The following FRMD3 variants were observed in gnomAD, a reference collection of about 807,000 sequenced individuals.
The protein encoded by FRMD3 is FERM domain containing 3.
FRMD3 carries 33 observed loss-of-function variants against 70.2 expected under a neutral mutation model. The observed-to-expected ratio is 0.47, with a 90% CI of 0.36 to 0.63. The LOEUF (loss-of-function observed/expected upper bound fraction) is 0.63, where lower values mean the gene tolerates loss of function less well. Ranked by LOEUF, FRMD3 falls within the 20% of genes least tolerant of loss-of-function variation. The pLI, the probability that FRMD3 is intolerant of heterozygous loss-of-function variation, is 0.00. For missense variants in FRMD3, 632 were observed against 711.4 expected (o/e 0.89, Z 1.27); for synonymous variants, 279 against 255.9 (o/e 1.09, Z -0.86).
At chr9:83,538,409 T>G (rs1829951899), upstream of FRMD3, 3 of 433,884 alleles carry the variant, frequency 6.9e-6, no homozygotes, top group Non-Finnish European at 1.1e-5. This position sits in a 1 kb window ranked among gnomAD's most constrained non-coding sequence, Gnocchi z 4.7. Flanking sequence ...GGCGGGCGGG[T>G]CCCTCCCTCT....
chr9:83,300,770 AT>A (rs1036925993), intron 10 of FRMD3, among the ~76,000 whole-genome samples: 19 of 152,204 alleles, frequency 1.2e-4, no homozygotes, highest in East Asian at 5.8e-4. Context: ...ACACACACAT[AT>A]TTTTTTTCCT....
chr9:83,359,268 G>A (rs1182308014), intron 3 of FRMD3, among the ~76,000 whole-genome samples: 1 of 152,172 alleles, frequency 6.6e-6, no homozygotes, highest in African/African-American at 2.4e-5. Context: ...AAGGGAGATT[G>A]GAATGCTGAG....
chr9:83,437,121 A>G (rs1827158688), intron 1 of FRMD3, among the ~76,000 whole-genome samples: 1 of 152,246 alleles, frequency 6.6e-6, no homozygotes, highest in Non-Finnish European at 1.5e-5. Flanking sequence ...TCAAAGTCAC[A>G]TAAGGGTCAC....
chr9:83,247,092 A>T lies in FRMD3; in HGVS notation c.*826T>A. ...GCCAAAATATACGGACAGAATACAA[A>T]TGAAAATAACAAGTCCTCTTGTCCA... On this transcript the variant is annotated 3_prime_UTR_variant, in exon 14 of 14. Transcript: ENST00000304195. 2 of 985,440 alleles carry T rather than the reference A, an allele frequency of 2.0e-6. No homozygotes were observed. The highest frequency in any genetic ancestry group is 2.4e-6 in the Non-Finnish European group (2 of 829,928). 61.0% of individuals were successfully genotyped at this position (985,440 alleles called of 1,614,324 possible).
intron 1 of FRMD3, among the ~76,000 whole-genome samples, chr9:83,528,152 G>T (rs1328394710): frequency 6.6e-6 from 1 of 152,104 alleles, no homozygotes; most frequent in African/African-American, 2.4e-5. Flanking sequence ...CAAAAGAAGG[G>T]TCTCAAAACA....
At chr9:83,487,903 C>A (rs540142840) in intron 1 of FRMD3, among the ~76,000 whole-genome samples, 6 of 152,120 alleles carry the variant, frequency 3.9e-5, no homozygotes, top group Admixed American at 2.6e-4. Flanking sequence ...TTAATCAGAA[C>A]CTTATCATAA....
At chr9:83,308,814 C>CAG (rs1159567410) in intron 10 of FRMD3, among the ~76,000 whole-genome samples, 1 of 152,144 alleles carries the variant, frequency 6.6e-6, no homozygotes, top group African/African-American at 2.4e-5. Flanking sequence ...TTACTATGAA[C>CAG]ACAGGTGACT....
At chr9:83,418,776 T>G (rs1188777500) in intron 1 of FRMD3, among the ~76,000 whole-genome samples, 1 of 152,180 alleles carries the variant, frequency 6.6e-6, no homozygotes, top group Admixed American at 6.5e-5. Flanking sequence ...ATCCCACTAC[T>G]GGGTATCTAC....
chr9:83,533,668 T>C (rs1020750401), intron 1 of FRMD3, among the ~76,000 whole-genome samples: 1 of 152,216 alleles, frequency 6.6e-6, no homozygotes, highest in African/African-American at 2.4e-5. Flanking sequence ...TATTATACTA[T>C]ATAGAATAGT....
At chr9:83,478,699 G>C (rs1251682122) in intron 1 of FRMD3, among the ~76,000 whole-genome samples, 2 of 152,162 alleles carry the variant, frequency 1.3e-5, no homozygotes, top group African/African-American at 4.8e-5. Context: ...ATGTGTACAG[G>C]AGTGTTCACA....
Position 83,479,655 on chromosome 9 carries a change from GGAAGGAAGGAAGGAAGGAAA to G in FRMD3, c.147+58410_147+58429del, listed in dbSNP as rs1341991995. ...AGGAAGGAAGGAAGGAAGGAAGGAA[GGAAGGAAGGAAGGAAGGAAA>G]GAAAGAAAGAAAGAAAGAAAGAAAG... On this transcript the variant is annotated intron_variant, in intron 1 of 13. Transcript: ENST00000304195. Among the ~76,000 whole-genome samples the G allele has an allele frequency of 1.3e-4, 6 of 47,318 alleles. No homozygotes were observed. In the East Asian group the frequency reaches 1.9e-3, roughly 15 times the overall value. The allele number at this position is 47,318 out of a possible 152,430, so 31.0% of individuals were successfully genotyped here.
intron 13 of FRMD3, chr9:83,267,108 G>A (rs1016398598): frequency 1.0e-5 from 16 of 1,550,556 alleles, no homozygotes; most frequent in South Asian, 1.2e-5. Context: ...AGGCTTCGTC[G>A]AGTCTGGATC....
At chr9:83,487,213 A>G (rs1012956394) in intron 1 of FRMD3, among the ~76,000 whole-genome samples, 2 of 152,216 alleles carry the variant, frequency 1.3e-5, no homozygotes, top group African/African-American at 4.8e-5. Flanking sequence ...CTGTGTGGGA[A>G]AAATACCACT....
chr9:83,457,250 C>T (rs1168627234), intron 1 of FRMD3, among the ~76,000 whole-genome samples: 2 of 152,344 alleles, frequency 1.3e-5, no homozygotes, highest in East Asian at 3.9e-4. Flanking sequence ...CCATCCAGCA[C>T]TGGTCTGAAG....
chr9:83,568,022 G>C, the FRMD3 span, among the ~76,000 whole-genome samples: 1 of 152,180 alleles, frequency 6.6e-6, no homozygotes, highest in Non-Finnish European at 1.5e-5. Context: ...TGCTGATAAA[G>C]ACATATCTGA....
chr9:83,467,742 T>G (rs2131452671), intron 1 of FRMD3: 1 of 1,517,740 alleles, frequency 6.6e-7, no homozygotes, highest in African/African-American at 1.4e-5. Flanking sequence ...GCTCTAGGGC[T>G]CCAATCTAAG....
intron 1 of FRMD3, among the ~76,000 whole-genome samples, chr9:83,501,931 G>C (rs868499090): frequency 6.6e-6 from 1 of 152,132 alleles, no homozygotes. Flanking sequence ...CCTTTCTGCT[G>C]CAACTCTAAA....
intron 2 of FRMD3, among the ~76,000 whole-genome samples, chr9:83,388,219 A>T (rs1229741478): frequency 6.6e-6 from 1 of 152,218 alleles, no homozygotes; most frequent in Non-Finnish European, 1.5e-5. Flanking sequence ...TTCCTTAAAT[A>T]TCCTCTTATT....
At chr9:83,466,538 G>A (rs752931963) in intron 1 of FRMD3, among the ~76,000 whole-genome samples, 8 of 152,030 alleles carry the variant, frequency 5.3e-5, no homozygotes, top group Non-Finnish European at 7.4e-5. Context: ...AAATTTAAAC[G>A]CCATGTGCTG....
Sources: allele counts gnomAD v4.1 joint callset (sites outside exome capture counted in the v4.1 genomes callset), GRCh38; gene constraint gnomAD v4.1.1; non-coding constraint Gnocchi (gnomAD v3.1); transcripts MANE v1.5; gene names NCBI Gene and HGNC (gene_info 2026-07-23, HGNC 2026-07-21).